Variants in GRID1 observed in about 807,000 individuals in gnomAD.
GRID1 encodes glutamate receptor ionotropic, delta-1.
A neutral mutation model predicts 98.0 loss-of-function variants in GRID1; 28 were observed. That is an observed-to-expected ratio of 0.29 (90% CI 0.21 to 0.39). The LOEUF is 0.39. Among genes scored for constraint, GRID1 ranks in the 10% least tolerant of loss-of-function variants. The pLI, the probability that GRID1 is intolerant of heterozygous loss-of-function variation, is 1.00. For missense variants in GRID1, 1,111 were observed against 1,340.5 expected (o/e 0.83, Z 2.67); for synonymous variants, 553 against 538.5 (o/e 1.03, Z -0.37).
rs74479976 is a variant in GRID1, at chr10:85,865,229, C to T, written c.951+3781G>A. 3.3e-5 allele frequency among the ~76,000 whole-genome samples: 5 copies of T among 152,288 alleles called. No individual in the cohort carries two copies. In the East Asian group the frequency reaches 9.7e-4, roughly 29 times the overall value. On this transcript the variant is annotated intron_variant, in intron 6 of 15. Transcript: ENST00000327946. ...GAAAAATAAACAACAGTGCTGCATG[C>T]TGGCAAATGCAAAGCTTTTGGAGCA...
intron 4 of GRID1, among the ~76,000 whole-genome samples, chr10:85,989,603 T>G (rs1376851701): frequency 6.6e-6 from 1 of 152,220 alleles, no homozygotes. Context: ...AGATCTAGGT[T>G]GTGCACTCAT....
At position 86,266,543 on chromosome 10, in the gene GRID1, A is replaced by G. The variant is rs1005030240; in HGVS notation, c.236-59895T>C. Among the ~76,000 whole-genome samples, 4 of 152,258 alleles carry G rather than the reference A, an allele frequency of 2.6e-5. No individual in the cohort carries two copies. The East Asian group carries it at 7.7e-4, about 29-fold the overall frequency. ...TTACACACCACAGTCAGATGAGAGG[A>G]TTCTTTCCCAGGGGAGGGCCCTCCT... On this transcript the variant is annotated intron_variant, in intron 2 of 15. Transcript: ENST00000327946.
chr10:85,988,332 A>G (rs1842637636), intron 4 of GRID1, among the ~76,000 whole-genome samples: 1 of 152,198 alleles, frequency 6.6e-6, no homozygotes. Flanking sequence ...AGTCTGGCAA[A>G]AGTCCAGTGA....
At chr10:86,233,303 G>A (rs1386510580) in intron 2 of GRID1, among the ~76,000 whole-genome samples, 4 of 152,130 alleles carry the variant, frequency 2.6e-5, no homozygotes, top group Admixed American at 1.3e-4. Context: ...AGATGGCTGG[G>A]AGCAAGGGGC....
intron 15 of GRID1, chr10:85,606,374 T>G (rs1842664506): frequency 6.6e-6 from 1 of 152,200 alleles, no homozygotes; most frequent in Admixed American, 6.5e-5. Context: ...TCAGTGGGAC[T>G]TCATTCTACT....
At chr10:86,035,939 C>T (rs565135908) in intron 4 of GRID1, among the ~76,000 whole-genome samples, 11 of 152,184 alleles carry the variant, frequency 7.2e-5, no homozygotes, top group Middle Eastern at 6.8e-3. Flanking sequence ...GAGGCTCAGG[C>T]GAAAGCTTTT....
chr10:86,207,087 A>T (rs1846037099), intron 2 of GRID1, among the ~76,000 whole-genome samples: 1 of 152,192 alleles, frequency 6.6e-6, no homozygotes, highest in South Asian at 2.1e-4. Context: ...ACAGGCAGAG[A>T]ATATACTGTG....
chr10:86,154,985 G>A (rs1589390314), intron 3 of GRID1, among the ~76,000 whole-genome samples: 2 of 152,196 alleles, frequency 1.3e-5, no homozygotes, highest in African/African-American at 4.8e-5. Context: ...GAGGCTTGGA[G>A]AGGTGAGTGC....
At chr10:85,743,260 A>G (rs868139068) in intron 8 of GRID1, among the ~76,000 whole-genome samples, 3 of 152,076 alleles carry the variant, frequency 2.0e-5, no homozygotes, top group African/African-American at 7.2e-5. Context: ...CCTCTGCCAA[A>G]GCACTAGACA....
At chr10:85,679,912 G>T (rs774262449) in intron 12 of GRID1, among the ~76,000 whole-genome samples, 1 of 152,196 alleles carries the variant, frequency 6.6e-6, no homozygotes, top group East Asian at 1.9e-4. Flanking sequence ...TGCAGGCAGT[G>T]ACCATGATGG....
At chr10:85,727,160 C>G (rs60047190) in intron 10 of GRID1, among the ~76,000 whole-genome samples, 3 of 151,990 alleles carry the variant, frequency 2.0e-5, no homozygotes. Context: ...TCCCTGGAGG[C>G]GAGGAGGTCA....
chr10:86,311,319 C>A (rs1227344978), intron 2 of GRID1, among the ~76,000 whole-genome samples: 1 of 152,180 alleles, frequency 6.6e-6, no homozygotes, highest in Non-Finnish European at 1.5e-5. Context: ...CTTCAGCAAG[C>A]AGGAGGAGGA....
At chr10:86,006,687 T>C (rs1162657582) in intron 4 of GRID1, among the ~76,000 whole-genome samples, 1 of 151,956 alleles carries the variant, frequency 6.6e-6, no homozygotes, top group Non-Finnish European at 1.5e-5. Context: ...CTTTCTGATC[T>C]AGGGGTAGAA....
intron 8 of GRID1, among the ~76,000 whole-genome samples, chr10:85,752,370 A>T (rs1343724522): frequency 6.6e-6 from 1 of 152,220 alleles, no homozygotes; most frequent in African/African-American, 2.4e-5. Context: ...TTTCCTGTAC[A>T]TGACCCCTGT....
chr10:85,906,168 G>C (rs1448788209), intron 5 of GRID1, among the ~76,000 whole-genome samples: 1 of 152,082 alleles, frequency 6.6e-6, no homozygotes, highest in Non-Finnish European at 1.5e-5. Flanking sequence ...CCTAATTTAA[G>C]TCCTAATGAT....
chr10:85,630,667 G>C (rs1006842573), intron 13 of GRID1, among the ~76,000 whole-genome samples: 1 of 152,034 alleles, frequency 6.6e-6, no homozygotes, highest in African/African-American at 2.4e-5. Context: ...CTATGCTATA[G>C]ACTAGTGATT....
chr10:85,947,895 T>C (rs1842072979), intron 4 of GRID1, among the ~76,000 whole-genome samples: 1 of 152,154 alleles, frequency 6.6e-6, no homozygotes, highest in African/African-American at 2.4e-5. Flanking sequence ...GCAAAAGAAT[T>C]AGGAGAATGT....
chr10:86,060,592 C>T (rs975010337), intron 4 of GRID1, among the ~76,000 whole-genome samples: 2 of 152,202 alleles, frequency 1.3e-5, no homozygotes, highest in South Asian at 2.1e-4. Context: ...CTCTAAAGCC[C>T]GGGTCACTTA....
chr10:85,976,893 C>T (rs1187197592), intron 4 of GRID1, among the ~76,000 whole-genome samples: 3 of 152,242 alleles, frequency 2.0e-5, no homozygotes, highest in Non-Finnish European at 4.4e-5. Flanking sequence ...TGCAGGTTTA[C>T]TCCAACCATA....
Sources: allele counts gnomAD v4.1 joint callset (sites outside exome capture counted in the v4.1 genomes callset), GRCh38; gene constraint gnomAD v4.1.1; transcripts MANE v1.5; gene names NCBI Gene and HGNC (gene_info 2026-07-23, HGNC 2026-07-21).